The following PTPRB variants were observed in gnomAD, a reference collection of about 807,000 sequenced individuals.
PTPRB encodes protein tyrosine phosphatase receptor type B.
A neutral mutation model predicts 238.1 loss-of-function variants in PTPRB; 97 were observed. The observed-to-expected ratio is 0.41, with a 90% confidence interval of 0.35 to 0.48. The LOEUF (loss-of-function observed/expected upper bound fraction) is 0.48, where lower values mean the gene tolerates loss of function less well. Ranked by LOEUF, PTPRB falls within the 20% of genes least tolerant of loss-of-function variation. PTPRB has a pLI of 0.30. For synonymous variants in PTPRB, 970 were observed against 995.4 expected (o/e 0.97, Z 0.48); for missense variants, 2,292 against 2,681.9 (o/e 0.85, Z 3.21).
At chr12:70,539,100 T>C (rs1874640744) in intron 26 of PTPRB, 86 bp from the exon 27 acceptor site, 3 of 1,028,314 alleles carry the variant, frequency 2.9e-6, no homozygotes, top group Non-Finnish European at 4.5e-6. Flanking sequence ...CATAATAACA[T>C]GAAAATATAT....
chr12:70,590,590 CTTT>C (rs34092195), intron 7 of PTPRB, among the ~76,000 whole-genome samples: 2,334 of 106,014 alleles, frequency 0.022, 31 homozygotes, highest in East Asian at 0.087. Context: ...AGATTAAGTT[CTTT>C]TTTTTTTTTT....
rs59537250 is a variant in PTPRB, at chr12:70,578,255, G to A, written c.2579-1610C>T. 3.7e-3 allele frequency among the ~76,000 whole-genome samples: 564 copies of A among 152,204 alleles called. 4 individuals carry two copies. The highest frequency in any genetic ancestry group is 0.013 in the African/African-American group (546 of 41,530). ...ATGTTTCAACTCAGTGGAAACAGGT[G>A]AAATATAAGAATACCTTTCAAAATT... On this transcript the variant is annotated intron_variant, in intron 10 of 33. Coordinates refer to ENST00000334414, the MANE Select transcript of PTPRB (RefSeq NM_001109754.4).
At chr12:70,603,750 A>T (rs1403091734) in intron 4 of PTPRB, among the ~76,000 whole-genome samples, 3 of 152,202 alleles carry the variant, frequency 2.0e-5, no homozygotes, top group Non-Finnish European at 4.4e-5. Flanking sequence ...AGTTATTGTT[A>T]TACTATCCCC....
intron 15 of PTPRB, among the ~76,000 whole-genome samples, chr12:70,564,876 T>C (rs879319799): frequency 0.044 from 3,869 of 87,364 alleles, 78 homozygotes; most frequent in East Asian, 0.12. Context: ...ATAATAATAA[T>C]AATAATAATA....
intron 10 of PTPRB, among the ~76,000 whole-genome samples, chr12:70,578,287 A>G (rs1881008135): frequency 6.6e-6 from 1 of 152,340 alleles, no homozygotes; most frequent in African/African-American, 2.4e-5. Context: ...AATTATTTCA[A>G]TATTGACTAA....
chr12:70,637,334 C>A lies in PTPRB; in HGVS notation c.55+7G>T. 1 of 1,603,808 alleles carries A rather than the reference C, an allele frequency of 6.2e-7. No individual in the cohort carries two copies. Among genetic ancestry groups the A allele is most frequent in the East Asian group, 2.2e-5 (1 of 44,552 alleles). ...ATGCCTCAGGACACTGAGGCAGACC[C>A]ACTCACCTGAGTTCCTGAAGATCAA... On this transcript the variant is annotated splice_region_variant and intron_variant, in intron 1 of 33. Transcript: ENST00000334414.
intron 18 of PTPRB, among the ~76,000 whole-genome samples, chr12:70,557,658 C>T (rs1282962541): frequency 1.3e-5 from 2 of 152,168 alleles, no homozygotes; most frequent in African/African-American, 4.8e-5. Flanking sequence ...GTCTATCAAC[C>T]CCCATTTGGC....
intron 2 of PTPRB, among the ~76,000 whole-genome samples, chr12:70,625,425 T>C (rs1885128647): frequency 6.6e-6 from 1 of 152,178 alleles, no homozygotes. Flanking sequence ...TGTACGTATA[T>C]GGTTTTAGTC....
At chr12:70,593,123 T>C (rs1882652360) in intron 6 of PTPRB, among the ~76,000 whole-genome samples, 1 of 152,234 alleles carries the variant, frequency 6.6e-6, no homozygotes, top group Non-Finnish European at 1.5e-5. Flanking sequence ...ATAAAGTTAA[T>C]GAGTTGTGTT....
chr12:70,555,095 C>T, intron 20 of PTPRB, 65 bp downstream of exon 20: 1 of 1,523,376 alleles, frequency 6.6e-7, no homozygotes, highest in South Asian at 1.2e-5. Context: ...ACAGAAAGAT[C>T]TCCCACATGA....
intron 11 of PTPRB, among the ~76,000 whole-genome samples, chr12:70,575,103 A>G (rs1380564348): frequency 6.6e-6 from 1 of 152,184 alleles, no homozygotes; most frequent in African/African-American, 2.4e-5. Context: ...TTGGGCTTCA[A>G]ATTATTCAAG....
intron 4 of PTPRB, among the ~76,000 whole-genome samples, chr12:70,598,179 C>T (rs1383830117): frequency 6.6e-6 from 1 of 152,076 alleles, no homozygotes; most frequent in Non-Finnish European, 1.5e-5. Context: ...ATTGGGCTCT[C>T]CTATTTGTAG....
At chr12:70,616,073 C>T (rs1430071721) in intron 3 of PTPRB, among the ~76,000 whole-genome samples, 1 of 152,030 alleles carries the variant, frequency 6.6e-6, no homozygotes, top group Non-Finnish European at 1.5e-5. Context: ...TGTATTGCAT[C>T]TAATTGTCAG....
intron 4 of PTPRB, among the ~76,000 whole-genome samples, chr12:70,596,918 G>GA (rs1883074184): frequency 6.9e-6 from 1 of 144,762 alleles, no homozygotes; most frequent in Non-Finnish European, 1.5e-5. Context: ...TATATCCCTA[G>GA]ATTTTTTTTT....
chr12:70,606,956 T>C (rs1397784766), intron 4 of PTPRB, among the ~76,000 whole-genome samples: 2 of 152,250 alleles, frequency 1.3e-5, no homozygotes, highest in African/African-American at 4.8e-5. Flanking sequence ...CAGCTCATAA[T>C]ATTTGTAGAC....
chr12:70,635,358 AT>A (rs1403479380), intron 2 of PTPRB, among the ~76,000 whole-genome samples: 1 of 152,184 alleles, frequency 6.6e-6, no homozygotes, highest in Admixed American at 6.5e-5. Flanking sequence ...ATATTCCTAC[AT>A]CTAACAGTGC....
Position 70,609,196 on chromosome 12 carries a change from C to G in PTPRB, c.852G>C (p.Ala284=). 2 of 1,614,064 alleles carry G rather than the reference C, an allele frequency of 1.2e-6. No homozygotes were observed. The highest frequency in any genetic ancestry group is 1.7e-6 in the Non-Finnish European group (2 of 1,179,900). ...TGTCTATCCGAAAGGTAGGGCACAACGCGGCCCCCAGGGTGTCACTGCTAT... is the reference window on the plus strand; with the variant it reads ...TGTCTATCCGAAAGGTAGGGCACAAGGCGGCCCCCAGGGTGTCACTGCTAT... ...LIYSSDTLGA[A]LCPTFRIDNT... is the part of the protein sequence containing the mutation. The change falls in exon 4 of 34, where the codon GCG becomes GCC. Residue 284 remains alanine, a synonymous_variant. Transcript: ENST00000334414.
rs1279044929 is a variant in PTPRB at position 70,622,655 on chromosome 12, A to G, written c.452-9T>C. On this transcript the variant is annotated splice_polypyrimidine_tract_variant and intron_variant, in intron 2 of 33. Transcript: ENST00000334414. ...TTCTGCTCCCAGGCCAGCTGAGGTA[A>G]AGAAAAGATAGTTGCAAAGATTATT... is the stretch of plus-strand genomic sequence containing the variant. The G allele has an allele frequency of 3.9e-6, 6 of 1,546,318 alleles. No homozygotes were observed. The highest frequency in any genetic ancestry group is 5.3e-6 in the Non-Finnish European group (6 of 1,139,878).
At chr12:70,592,600 A>C in intron 6 of PTPRB, 55 bp from the exon 7 acceptor site, 1 of 1,551,130 alleles carries the variant, frequency 6.4e-7, no homozygotes, top group Non-Finnish European at 8.7e-7. Context: ...CACAAGTCCT[A>C]TGGCCAAATT....
Sources: gnomAD v4.1 joint callset for allele counts (sites outside exome capture counted in the v4.1 genomes callset) on GRCh38, gnomAD v4.1.1 for gene constraint, MANE v1.5 for transcripts, NCBI Gene and HGNC (gene_info 2026-07-23, HGNC 2026-07-21) for gene names.